The following RPS6KA2 variants were observed in gnomAD, a reference collection of about 807,000 sequenced individuals.
RPS6KA2 encodes ribosomal protein S6 kinase A2.
RPS6KA2 carries 42 observed loss-of-function variants against 91.8 expected under a neutral mutation model. The observed-to-expected ratio is 0.46, with a 90% CI of 0.36 to 0.59. The LOEUF is 0.59. RPS6KA2 is among the 20% of genes least tolerant of loss of function. The pLI is 0.00. For missense variants in RPS6KA2, 798 were observed against 978.5 expected (o/e 0.82, Z 2.46); for synonymous variants, 414 against 393.6 (o/e 1.05, Z -0.61).
intron 2 of RPS6KA2, among the ~76,000 whole-genome samples, chr6:166,645,532 G>C (rs57515643): frequency 6.6e-6 from 1 of 152,102 alleles, no homozygotes; most frequent in Admixed American, 6.5e-5. Flanking sequence ...CCCTCTCCTA[G>C]GCCTTGGCTA....
chr6:166,861,026 C>T (rs921227639), intron 1 of RPS6KA2, among the ~76,000 whole-genome samples: 2 of 152,142 alleles, frequency 1.3e-5, no homozygotes, highest in Non-Finnish European at 2.9e-5. Flanking sequence ...CTTCAATGTC[C>T]GTGCTATGCC....
chr6:166,413,734 C>A, intron 20 of RPS6KA2, 60 bp downstream of exon 20: 1 of 1,574,942 alleles, frequency 6.3e-7, no homozygotes, highest in Non-Finnish European at 8.7e-7. Flanking sequence ...TGCAAGGTAT[C>A]AGGCTCTTTT....
upstream of RPS6KA2, among the ~76,000 whole-genome samples, chr6:166,629,984 C>T (rs184213211): frequency 3.5e-4 from 54 of 152,194 alleles, no homozygotes; most frequent in African/African-American, 1.1e-3. Flanking sequence ...AAGCTCATGC[C>T]GTTTTTATGT....
intron 1 of RPS6KA2, among the ~76,000 whole-genome samples, chr6:166,597,283 C>T (rs913773110): frequency 6.6e-6 from 1 of 152,148 alleles, no homozygotes. Context: ...AGGACACAGC[C>T]CCCGAGGACG....
intron 2 of RPS6KA2, among the ~76,000 whole-genome samples, chr6:166,751,494 G>C (rs916466330): frequency 6.6e-6 from 1 of 152,256 alleles, no homozygotes; most frequent in Non-Finnish European, 1.5e-5. Flanking sequence ...AGGGCGTGGA[G>C]GAGGTGCAGG....
At chr6:166,539,487 C>T (rs983194847) in intron 1 of RPS6KA2, among the ~76,000 whole-genome samples, 8 of 152,190 alleles carry the variant, frequency 5.3e-5, no homozygotes, top group Non-Finnish European at 8.8e-5. Context: ...AAAATGCAGA[C>T]GGCTTGTCCT....
At position 166,500,512 on chromosome 6, in the gene RPS6KA2, G is replaced by T. The variant is rs1211570961; in HGVS notation, c.604+375C>A. On this transcript the variant is annotated intron_variant, in intron 7 of 20. Coordinates refer to ENST00000265678, the MANE Select transcript of RPS6KA2 (RefSeq NM_021135.6). The surrounding 1 kb of genome is among the most constrained non-coding windows in gnomAD (Gnocchi z 4.3). ...CGAGACTCCAGATGTCTGCCCTCAG[G>T]TTGGCACTGGGCATCTGCAAGGCCC... 6.6e-6 allele frequency among the ~76,000 whole-genome samples: 1 copy of T among 152,150 alleles called. No individual in the cohort carries two copies. The highest frequency in any genetic ancestry group is 1.9e-4 in the East Asian group (1 of 5,192).
chr6:166,433,244 G>T lies in RPS6KA2; in HGVS notation c.1333-754C>A, dbSNP rs1246561812. Among the ~76,000 whole-genome samples, 3 of 152,178 alleles carry T rather than the reference G, an allele frequency of 2.0e-5. No homozygotes were observed. Among genetic ancestry groups the T allele is most frequent in the Non-Finnish European group, 2.9e-5 (2 of 68,022 alleles). ...CTCTCACCAAGAGATGCTGGGGATGGTGCGCAGGCCAGACCTGCCTTGCTG... is the reference window on the plus strand; with the variant it reads ...CTCTCACCAAGAGATGCTGGGGATGTTGCGCAGGCCAGACCTGCCTTGCTG... On this transcript the variant is annotated intron_variant, in intron 14 of 20. Coordinates refer to ENST00000265678, the MANE Select transcript of RPS6KA2 (RefSeq NM_021135.6). The surrounding 1 kb of genome is among the most constrained non-coding windows in gnomAD (Gnocchi z 4.4).
intron 10 of RPS6KA2, among the ~76,000 whole-genome samples, chr6:166,480,503 ATATATATATAT>A (rs1562523899): frequency 4.1e-4 from 51 of 125,374 alleles, no homozygotes; most frequent in Middle Eastern, 3.9e-3. Flanking sequence ...ATATATATAT[ATATATATATAT>A]AATATATTTT....
At chr6:166,795,600 T>C (rs889547950) in intron 2 of RPS6KA2, among the ~76,000 whole-genome samples, 1 of 152,222 alleles carries the variant, frequency 6.6e-6, no homozygotes, top group African/African-American at 2.4e-5. Context: ...CAGGTAATCA[T>C]CGTGGTTGGA....
upstream of RPS6KA2, among the ~76,000 whole-genome samples, chr6:166,631,135 T>G (rs16899269): frequency 0.036 from 5,470 of 152,318 alleles, 318 homozygotes; most frequent in African/African-American, 0.12. Flanking sequence ...TTTAACAGTT[T>G]AAAATCTCTG....
intron 2 of RPS6KA2, among the ~76,000 whole-genome samples, chr6:166,798,342 A>C (rs1779276806): frequency 6.6e-6 from 1 of 152,224 alleles, no homozygotes; most frequent in South Asian, 2.1e-4. Context: ...GCCACGGCCT[A>C]AGCATCTGGG....
intron 6 of RPS6KA2, 95 bp from the exon 7 acceptor site, chr6:166,501,019 G>A: frequency 8.4e-7 from 1 of 1,196,482 alleles, no homozygotes; most frequent in East Asian, 2.4e-5. Context: ...GGCAGCTGGG[G>A]GCGGACGTTT....
Position 166,451,332 on chromosome 6 carries a change from C to T in RPS6KA2, c.1076-99G>A, listed in dbSNP as rs1021823709. On this transcript the variant is annotated intron_variant, in intron 12 of 20. Coordinates refer to ENST00000265678, the MANE Select transcript of RPS6KA2 (RefSeq NM_021135.6). Reference sequence around the variant, plus strand: ...TGCATGTGGTATGTGTGTGCAAGTCCGTGTGTGTGTGTGTGTGTGTGTGTG... The same window carrying T: ...TGCATGTGGTATGTGTGTGCAAGTCTGTGTGTGTGTGTGTGTGTGTGTGTG... 1.1e-4 allele frequency: 103 copies of T among 922,332 alleles called. No homozygotes were observed. In the East Asian group the frequency reaches 1.7e-3, roughly 15 times the overall value. 57.1% of individuals were successfully genotyped at this position (922,332 alleles called of 1,614,324 possible).
Position 166,412,486 on chromosome 6 carries a change from C to T in RPS6KA2, c.*276G>A, listed in dbSNP as rs1038053985. On this transcript the variant is annotated 3_prime_UTR_variant, in exon 21 of 21. Coordinates refer to ENST00000265678, the MANE Select transcript of RPS6KA2 (RefSeq NM_021135.6). This position sits in a 1 kb window ranked among gnomAD's most constrained non-coding sequence, Gnocchi z 4.3. ...GAGGACCCGCGGGCTCTGAAAGAAGCCCCCGGCCTCGCACGGGCACGCGAG... is the reference window on the plus strand; with the variant it reads ...GAGGACCCGCGGGCTCTGAAAGAAGTCCCCGGCCTCGCACGGGCACGCGAG... The T allele has an allele frequency of 3.7e-6, 1 of 273,608 alleles. No individual in the cohort carries two copies. Among genetic ancestry groups the T allele is most frequent in the Non-Finnish European group, 6.9e-6 (1 of 144,882 alleles). 16.9% of individuals were successfully genotyped at this position (273,608 alleles called of 1,614,324 possible).
intron 2 of RPS6KA2, among the ~76,000 whole-genome samples, chr6:166,660,966 G>GT (rs1306691132): frequency 6.6e-6 from 1 of 152,138 alleles, no homozygotes; most frequent in African/African-American, 2.4e-5. Flanking sequence ...AAATTTTGAG[G>GT]TTAATGAGAC....
intron 2 of RPS6KA2, among the ~76,000 whole-genome samples, chr6:166,682,650 A>C (rs77330847): frequency 0.016 from 2,483 of 152,314 alleles, 62 homozygotes; most frequent in African/African-American, 0.054. Flanking sequence ...GGGAGTGTGG[A>C]GATAAACACT....
In RPS6KA2 at chr6:166,592,125, G is replaced by C. The variant is rs117967496; in HGVS notation, c.99+34796C>G. 1.3e-3 allele frequency among the ~76,000 whole-genome samples: 204 copies of C among 152,356 alleles called. 5 individuals are homozygous for C. In the East Asian group the frequency reaches 0.03, roughly 22 times the overall value. On this transcript the variant is annotated intron_variant, in intron 1 of 20. Coordinates refer to ENST00000265678, the MANE Select transcript of RPS6KA2 (RefSeq NM_021135.6). ...GAGATGGGCCTGGCTTGTAGAGAAA[G>C]TGACTTCACCAAATACCAGCAGAAA...
intron 2 of RPS6KA2, among the ~76,000 whole-genome samples, chr6:166,833,157 C>T (rs1172906161): frequency 2.0e-5 from 3 of 152,126 alleles, no homozygotes; most frequent in East Asian, 1.9e-4. Flanking sequence ...TTATCCTACA[C>T]GTGATGAAAC....
Sources: allele counts gnomAD v4.1 joint callset (sites outside exome capture counted in the v4.1 genomes callset), GRCh38; gene constraint gnomAD v4.1.1; non-coding constraint Gnocchi (gnomAD v3.1); transcripts MANE v1.5; gene names NCBI Gene and HGNC (gene_info 2026-07-23, HGNC 2026-07-21).